Variants in SLC22A25 observed in about 807,000 individuals in gnomAD.
The protein encoded by SLC22A25 is solute carrier family 22 member 25, also known as MGI:2442751, MGI:2385316, MGI:3042283, MGI:3645714, MGI:3605624, MGI:2442750.
Under a neutral mutation model 45.9 loss-of-function variants are expected in SLC22A25, and 44 were observed. The observed-to-expected ratio is 0.96, with a 90% confidence interval of 0.75 to 1.23. The LOEUF (loss-of-function observed/expected upper bound fraction) is 1.23. Among genes scored for constraint, SLC22A25 ranks in the 50% most tolerant of loss-of-function variants. SLC22A25 has a pLI of 0.00. For synonymous variants in SLC22A25, 283 were observed against 238.6 expected, an observed-to-expected ratio of 1.19 and a Z score of -1.72; for missense variants, 800 against 666.4, an observed-to-expected ratio of 1.20 and a Z score of -2.21.
intron 9 of SLC22A25, among the ~76,000 whole-genome samples, chr11:63,175,649 C>A (rs1387818662): frequency 6.6e-6 from 1 of 151,916 alleles, no homozygotes; most frequent in Non-Finnish European, 1.5e-5. Context: ...GTGCTTTTGG[C>A]ATCATATCCA....
chr11:63,182,778 G>GAT (rs2088376427), intron 8 of SLC22A25, among the ~76,000 whole-genome samples: 2 of 152,044 alleles, frequency 1.3e-5, no homozygotes, highest in Admixed American at 1.3e-4. Context: ...AGTTCCATCA[G>GAT]ATATGTCATT....
chr11:63,217,541 G>A (rs1169964237), intron 6 of SLC22A25, 40 bp downstream of exon 6: 1 of 1,609,864 alleles, frequency 6.2e-7, no homozygotes, highest in Non-Finnish European at 8.5e-7. Flanking sequence ...CAATGTCAAA[G>A]CCAAGGCTTG....
At chr11:63,192,045 G>A (rs2088834868) in intron 7 of SLC22A25, among the ~76,000 whole-genome samples, 1 of 152,126 alleles carries the variant, frequency 6.6e-6, no homozygotes, top group African/African-American at 2.4e-5. Flanking sequence ...GTTCTCCAAG[G>A]TTGAAATGAT....
At chr11:63,216,278 T>G (rs1329384898) in intron 7 of SLC22A25, among the ~76,000 whole-genome samples, 1 of 152,058 alleles carries the variant, frequency 6.6e-6, no homozygotes, top group African/African-American at 2.4e-5. Flanking sequence ...TTGGTGGGAG[T>G]GTAAATTCAT....
intron 7 of SLC22A25, among the ~76,000 whole-genome samples, chr11:63,191,656 C>T (rs1297955825): frequency 6.6e-6 from 1 of 152,166 alleles, no homozygotes; most frequent in African/African-American, 2.4e-5. Context: ...GAACTGTAGA[C>T]TGGAGCTGTT....
intron 1 of SLC22A25, among the ~76,000 whole-genome samples, chr11:63,242,450 G>C (rs1405010732): frequency 2.0e-5 from 3 of 152,202 alleles, no homozygotes; most frequent in Admixed American, 6.5e-5. Flanking sequence ...TCCCATCTAA[G>C]AATAGTGTCA....
intron 9 of SLC22A25, among the ~76,000 whole-genome samples, chr11:63,178,532 G>A (rs2088202764): frequency 6.7e-6 from 1 of 149,652 alleles, no homozygotes. Flanking sequence ...ATATCTTATT[G>A]TGGTTTTAAT....
intron 10 of SLC22A25, 96 bp from the exon 11 acceptor site, chr11:63,164,730 T>G (rs932860897): frequency 2.4e-5 from 23 of 955,694 alleles, no homozygotes; most frequent in Non-Finnish European, 3.8e-5. Flanking sequence ...TGGAGGTGTT[T>G]CCAGGGGTAA....
chr11:63,238,291 C>A (rs1247723271), intron 2 of SLC22A25, among the ~76,000 whole-genome samples: 2 of 152,312 alleles, frequency 1.3e-5, no homozygotes, highest in South Asian at 2.1e-4. Flanking sequence ...AGAGTGCAAT[C>A]ATTTGTGAAC....
At chr11:63,179,828 C>T (rs1043937502) in intron 9 of SLC22A25, among the ~76,000 whole-genome samples, 1 of 152,134 alleles carries the variant, frequency 6.6e-6, no homozygotes, top group African/African-American at 2.4e-5. Flanking sequence ...CTTTTGTACT[C>T]ACTTTGTCCT....
intron 7 of SLC22A25, among the ~76,000 whole-genome samples, chr11:63,212,470 T>C (rs1242442771): frequency 6.6e-6 from 1 of 152,116 alleles, no homozygotes; most frequent in Non-Finnish European, 1.5e-5. Context: ...ATACACACCA[T>C]GGAATACTAT....
intron 7 of SLC22A25, among the ~76,000 whole-genome samples, chr11:63,195,657 G>C (rs898643519): frequency 4.6e-5 from 7 of 152,102 alleles, no homozygotes; most frequent in South Asian, 4.1e-4. Flanking sequence ...AAGCAGGAAA[G>C]ATCCAAAATT....
At chr11:63,232,469 T>A (rs1357610083) in intron 3 of SLC22A25, among the ~76,000 whole-genome samples, 1 of 152,244 alleles carries the variant, frequency 6.6e-6, no homozygotes, top group Non-Finnish European at 1.5e-5. Context: ...CTTGTGATTT[T>A]TGCACATTGA....
intron 5 of SLC22A25, among the ~76,000 whole-genome samples, chr11:63,221,141 T>A (rs11231414): frequency 0.37 from 55,691 of 152,010 alleles, 10,503 homozygotes; most frequent in East Asian, 0.56. Context: ...GGTGTGTACC[T>A]AGCAGTGGGA....
At chr11:63,175,691 C>A (rs76048053) in intron 9 of SLC22A25, among the ~76,000 whole-genome samples, 2 of 151,938 alleles carry the variant, frequency 1.3e-5, no homozygotes, top group Non-Finnish European at 1.5e-5. Context: ...TGTCATGAAG[C>A]TTTTCACCTA....
intron 7 of SLC22A25, among the ~76,000 whole-genome samples, chr11:63,208,540 G>A (rs1341056529): frequency 6.6e-6 from 1 of 152,170 alleles, no homozygotes; most frequent in African/African-American, 2.4e-5. Context: ...CATCTGATAG[G>A]AAGTCCTGGG....
At chr11:63,192,652 A>G (rs901844150) in intron 7 of SLC22A25, among the ~76,000 whole-genome samples, 2 of 152,180 alleles carry the variant, frequency 1.3e-5, no homozygotes, top group Non-Finnish European at 2.9e-5. Flanking sequence ...AAATCAACCA[A>G]TAAAATAAAA....
chr11:63,211,001 C>T (rs369945835), intron 7 of SLC22A25, among the ~76,000 whole-genome samples: 23 of 152,284 alleles, frequency 1.5e-4, no homozygotes, highest in African/African-American at 4.8e-4. Flanking sequence ...TTGACCCTGA[C>T]TGTCCCAAGG....
chr11:63,223,695 T>A (rs986537690), intron 5 of SLC22A25, among the ~76,000 whole-genome samples: 1 of 152,080 alleles, frequency 6.6e-6, no homozygotes, highest in Non-Finnish European at 1.5e-5. Context: ...TTCTTTAAGA[T>A]GCATCATTAT....
Sources: allele counts gnomAD v4.1 joint callset (sites outside exome capture counted in the v4.1 genomes callset), GRCh38; gene constraint gnomAD v4.1.1; transcripts MANE v1.5; gene names NCBI Gene and HGNC (gene_info 2026-07-23, HGNC 2026-07-21).